Variants in INPP4B observed in about 807,000 individuals in gnomAD.
INPP4B encodes the protein inositol polyphosphate-4-phosphatase type II B.
INPP4B carries 55 observed loss-of-function variants against 122.5 expected under a neutral mutation model. The observed-to-expected ratio is 0.45, with a 90% CI of 0.36 to 0.56. INPP4B has a LOEUF of 0.56. INPP4B is among the 20% of genes least tolerant of loss of function. INPP4B has a pLI of 0.00. For synonymous variants in INPP4B, 403 were observed against 388.7 expected, an observed-to-expected ratio of 1.04 and a Z score of -0.43; for missense variants, 1,000 against 1,097.7, an observed-to-expected ratio of 0.91 and a Z score of 1.26.
intron 9 of INPP4B, among the ~76,000 whole-genome samples, chr4:142,286,116 T>A (rs1482085294): frequency 6.6e-6 from 1 of 152,160 alleles, no homozygotes; most frequent in Non-Finnish European, 1.5e-5. Context: ...TTCAAAATAC[T>A]CAGCTACGTG....
At chr4:142,727,026 A>G (rs2150864587) in intron 1 of INPP4B, among the ~76,000 whole-genome samples, 1 of 152,324 alleles carries the variant, frequency 6.6e-6, no homozygotes, top group East Asian at 1.9e-4. Context: ...TATTCCATTG[A>G]GAATCACTGC....
chr4:142,576,447 T>A (rs1198503751), intron 2 of INPP4B, among the ~76,000 whole-genome samples: 1 of 151,986 alleles, frequency 6.6e-6, no homozygotes, highest in African/African-American at 2.4e-5. Flanking sequence ...TTTCCTAACA[T>A]GTTTTTTAAC....
chr4:142,530,711 C>T lies in INPP4B; in HGVS notation c.-190-67985G>A, dbSNP rs538138159. Among the ~76,000 whole-genome samples the T allele has an allele frequency of 5.3e-4, 80 of 151,988 alleles. 1 individual carries two copies. The highest frequency in any genetic ancestry group is 2.5e-3 in the South Asian group (12 of 4,804). On this transcript the variant is annotated intron_variant, in intron 2 of 25. Transcript: ENST00000262992. Reference sequence around the variant, plus strand: ...TAGGTCTCTCTGATCAGACTATGATCGAGTAGATGCCTGAATAAAGTGAAG... The same window carrying T: ...TAGGTCTCTCTGATCAGACTATGATTGAGTAGATGCCTGAATAAAGTGAAG...
intron 24 of INPP4B, 45 bp downstream of exon 24, chr4:142,086,099 G>A (rs773383065): frequency 1.8e-5 from 23 of 1,254,014 alleles, no homozygotes; most frequent in Middle Eastern, 1.9e-4. Context: ...AATATTTGCT[G>A]GTTATGACAT....
chr4:142,675,629 C>G (rs572324348), intron 2 of INPP4B, among the ~76,000 whole-genome samples: 2 of 152,138 alleles, frequency 1.3e-5, no homozygotes, highest in African/African-American at 4.8e-5. Flanking sequence ...TCCAGCAGCA[C>G]ATCAAAAAGC....
chr4:142,253,876 C>T (rs1240012199), intron 11 of INPP4B, among the ~76,000 whole-genome samples: 1 of 152,280 alleles, frequency 6.6e-6, no homozygotes, highest in South Asian at 2.1e-4. Context: ...GCCTGCCTGC[C>T]TCTGTAGGCT....
At chr4:142,164,437 T>C (rs948697710) in intron 16 of INPP4B, among the ~76,000 whole-genome samples, 6 of 151,786 alleles carry the variant, frequency 4.0e-5, no homozygotes, top group African/African-American at 1.2e-4. Context: ...GCAGCAAGAA[T>C]CCTGTTTATT....
chr4:142,049,540 A>T (rs1042399479), intron 25 of INPP4B, among the ~76,000 whole-genome samples: 1 of 152,072 alleles, frequency 6.6e-6, no homozygotes, highest in Non-Finnish European at 1.5e-5. Flanking sequence ...AATGGCTTTG[A>T]CAAGCAAGTA....
rs75477069 is a variant in INPP4B at position 142,762,728 on chromosome 4, A to G, written c.-253-36827T>C. On this transcript the variant is annotated intron_variant, in intron 1 of 25. Coordinates refer to ENST00000262992, the MANE Select transcript of INPP4B (RefSeq NM_001101669.3). The stretch of plus-strand genomic sequence containing the variant: ...TGTGTGCCATATATTTGAAGAGGAT[A>G]TGTGAACAGGAAGAAACCATATCAG... Among the ~76,000 whole-genome samples, 1,404 of 152,292 alleles carry G rather than the reference A, an allele frequency of 9.2e-3. 26 individuals carry two copies. The highest frequency in any genetic ancestry group is 0.031 in the African/African-American group (1,306 of 41,568).
chr4:142,263,639 A>ATATATATATAT (rs1741226592), intron 10 of INPP4B, among the ~76,000 whole-genome samples: 1 of 41,808 alleles, frequency 2.4e-5, no homozygotes, highest in Non-Finnish European at 6.2e-5. Context: ...AAATTCGTAA[A>ATATATATATAT]ATATATATAT....
At chr4:142,124,329 G>A (rs2276942) in intron 19 of INPP4B, among the ~76,000 whole-genome samples, 19,056 of 151,934 alleles carry the variant, frequency 0.13, 1,364 homozygotes, top group East Asian at 0.23. Context: ...CTTCCTTCAC[G>A]GACTTCATGC....
chr4:142,631,963 C>T (rs1413178585), intron 2 of INPP4B, among the ~76,000 whole-genome samples: 1 of 151,834 alleles, frequency 6.6e-6, no homozygotes, highest in Non-Finnish European at 1.5e-5. Context: ...CACACTGTTA[C>T]TTCCCAGACC....
chr4:142,066,691 C>T (rs9995384), intron 25 of INPP4B, among the ~76,000 whole-genome samples: 3,783 of 152,282 alleles, frequency 0.025, 176 homozygotes, highest in African/African-American at 0.087. Flanking sequence ...TGCATGGCTC[C>T]GAGGGTCCCA....
intron 2 of INPP4B, among the ~76,000 whole-genome samples, chr4:142,673,567 G>A (rs1179690890): frequency 6.6e-6 from 1 of 152,102 alleles, no homozygotes; most frequent in African/African-American, 2.4e-5. Context: ...ATACACAAGT[G>A]CAGTAGTGTA....
chr4:142,397,144 T>C (rs932500455), intron 7 of INPP4B, among the ~76,000 whole-genome samples: 3 of 152,216 alleles, frequency 2.0e-5, no homozygotes, highest in Non-Finnish European at 4.4e-5. Flanking sequence ...GAAAGTGAAC[T>C]TAATTATAAA....
intron 4 of INPP4B, among the ~76,000 whole-genome samples, chr4:142,430,571 T>C (rs1809088740): frequency 6.6e-6 from 1 of 152,070 alleles, no homozygotes; most frequent in Admixed American, 6.6e-5. Flanking sequence ...CCTAGAATTT[T>C]AAATACAAAA....
intron 10 of INPP4B, among the ~76,000 whole-genome samples, chr4:142,269,180 T>C (rs1402008114): frequency 6.6e-6 from 1 of 152,336 alleles, no homozygotes; most frequent in East Asian, 1.9e-4. Context: ...TTACTGAATA[T>C]GAGAGGAATG....
At chr4:142,641,059 A>C (rs920641362) in intron 2 of INPP4B, among the ~76,000 whole-genome samples, 1 of 152,122 alleles carries the variant, frequency 6.6e-6, no homozygotes, top group African/African-American at 2.4e-5. Context: ...AAGATGTAAT[A>C]ATTGCACTCC....
chr4:142,040,916 G>A (rs930087087), intron 25 of INPP4B, among the ~76,000 whole-genome samples: 1 of 152,136 alleles, frequency 6.6e-6, no homozygotes, highest in Admixed American at 6.5e-5. Flanking sequence ...TAAAATTACT[G>A]TCTAAGCCTT....
Sources: gnomAD v4.1 joint callset for allele counts (sites outside exome capture counted in the v4.1 genomes callset) on GRCh38, gnomAD v4.1.1 for gene constraint, MANE v1.5 for transcripts, NCBI Gene and HGNC (gene_info 2026-07-23, HGNC 2026-07-21) for gene names.